Variants in XPC observed in about 807,000 individuals in gnomAD.
The protein encoded by XPC is DNA repair protein complementing XP-C cells.
In XPC, 76 loss-of-function variants were observed where a neutral mutation model predicts 95.8. That is an observed-to-expected ratio of 0.79 (90% CI 0.66 to 0.96). The LOEUF (loss-of-function observed/expected upper bound fraction) is 0.96. XPC is among the 40% of genes least tolerant of loss of function. The probability of loss-of-function intolerance (pLI) is 0.00; values close to 1 mark genes in which losing one functional copy is unlikely to be tolerated. For missense variants in XPC, 1,146 were observed against 1,179.8 expected (o/e 0.97, Z 0.42); for synonymous variants, 442 against 442.1 (o/e 1.00, Z 0.00).
intron 10 of XPC, among the ~76,000 whole-genome samples, chr3:14,155,129 C>T (rs1357998829): frequency 1.3e-5 from 2 of 152,154 alleles, no homozygotes; most frequent in African/African-American, 4.8e-5. Context: ...TGCCCCCCAC[C>T]GACATCAAAC....
chr3:14,149,413 C>A, intron 11 of XPC: 1 of 161,684 alleles, frequency 6.2e-6, no homozygotes, highest in South Asian at 1.7e-4. Context: ...CAAGCACTAG[C>A]TAACATTTAT....
At chr3:14,173,196 G>T in intron 1 of XPC, 134 bp from the exon 2 acceptor site, 1 of 831,342 alleles carries the variant, frequency 1.2e-6, no homozygotes, top group Non-Finnish European at 1.7e-6. Flanking sequence ...ACCATCCCCT[G>T]TCTGGTCAGC....
In XPC at chr3:14,158,542, G is replaced by A. The variant is rs1696028355; in HGVS notation, c.1341C>T (p.Leu447=). The change falls in exon 9 of 16, where the codon CTC becomes CTT. Residue 447 remains leucine, a synonymous_variant. Transcript: ENST00000285021. The surrounding 1 kb of genome is among the most constrained non-coding windows in gnomAD (Gnocchi z 5.2). ...DEAGSGSDFE[L]SSGEASDPSD... is the part of the protein sequence containing the mutation. ...AGGGATCAGAGGCTTCTCCACTGGAGAGCTCAAAATCAGAGCCGCTGCCAG... is the reference window on the plus strand; with the variant it reads ...AGGGATCAGAGGCTTCTCCACTGGAAAGCTCAAAATCAGAGCCGCTGCCAG... 3 of 1,613,334 alleles carry A rather than the reference G, an allele frequency of 1.9e-6. No homozygotes were observed. Among genetic ancestry groups the A allele is most frequent in the Admixed American group, 1.7e-5 (1 of 59,988 alleles).
chr3:14,170,488 T>C lies in XPC; in HGVS notation c.362A>G (p.Asp121Gly), dbSNP rs774102653. Residue 121 changes from aspartate to glycine, a missense_variant, in exon 3 of 16, where the codon GAC (aspartate) becomes GGC (glycine). Coordinates refer to ENST00000285021, the MANE Select transcript of XPC (RefSeq NM_004628.5). Reference sequence around the variant, plus strand: ...ACTTTCTTCCTCTTCTTCATTGCTGTCTTCATTCATGGTAGCCCCTCTCTT... The same window carrying C: ...ACTTTCTTCCTCTTCTTCATTGCTGCCTTCATTCATGGTAGCCCCTCTCTT... ...HLKRGATMNE[D>G]SNEEEEESEN... 1.2e-6 allele frequency: 2 copies of C among 1,613,860 alleles called. No homozygotes were observed. Among genetic ancestry groups the C allele is most frequent in the East Asian group, 4.5e-5 (2 of 44,868 alleles).
chr3:14,170,679 G>C, intron 2 of XPC, 129 bp from the exon 3 acceptor site: 1 of 658,924 alleles, frequency 1.5e-6, no homozygotes, highest in Non-Finnish European at 2.6e-6. Flanking sequence ...AAGATGATTA[G>C]TAAGCTCTGA....
In XPC at chr3:14,152,347, T is replaced by A; in HGVS notation, c.2103A>T (p.Glu701Asp). ...CAGCTCCAGTTACCTTGTAGGGTAC[T>A]TCTCCAAGCCTCACCACTCTTGCTT... is the stretch of plus-strand genomic sequence containing the variant. ...LKKARVVRLG[E>D]VPYKMVKGFS... is the part of the protein sequence containing the mutation. The change falls in exon 11 of 16, where the codon GAA (glutamate) becomes GAT (aspartate). Residue 701 changes from glutamate (E) to aspartate (D), a missense_variant. Physicochemically the swap from Glu to Asp is conservative, Grantham distance 45 (BLOSUM62 2). Coordinates refer to ENST00000285021, the MANE Select transcript of XPC (RefSeq NM_004628.5). 1 of 1,613,172 alleles carries A rather than the reference T, an allele frequency of 6.2e-7. No homozygotes were observed. Among genetic ancestry groups the A allele is most frequent in the Non-Finnish European group, 8.5e-7 (1 of 1,179,554 alleles).
chr3:14,156,235 C>T, intron 10 of XPC, 100 bp downstream of exon 10: 1 of 1,435,880 alleles, frequency 7.0e-7, no homozygotes, highest in Non-Finnish European at 9.4e-7. Flanking sequence ...GAATGCTGTC[C>T]AGTCAGATGA....
In XPC at chr3:14,173,095, T is replaced by C. The variant is rs535147079; in HGVS notation, c.104-33A>G. ...ACAACACAGAACATAAGGTGAGGGGTGGAAGGAAAGGTGGAGGCAGTGCAG... is the reference window on the plus strand; with the variant it reads ...ACAACACAGAACATAAGGTGAGGGGCGGAAGGAAAGGTGGAGGCAGTGCAG... On this transcript the variant is annotated intron_variant, in intron 1 of 15. Transcript: ENST00000285021. The C allele has an allele frequency of 1.6e-4, 239 of 1,496,492 alleles. No individual in the cohort carries two copies. The South Asian group carries it at 3.1e-3, about 19-fold the overall frequency. 92.7% of individuals were successfully genotyped at this position (1,496,492 alleles called of 1,614,324 possible).
chr3:14,145,959 G>T lies in XPC; in HGVS notation c.2805C>A (p.Phe935Leu), dbSNP rs2125004485. ...GCTCAGCTCACAGCTGCTCAAATGG[G>T]AACAGGTGGGAAGCTGCTGCTTTCT... Reference protein sequence around the residue: ...REKKAAASHLFPFEQL With the variant: ...REKKAAASHLLPFEQL Residue 935 changes from phenylalanine to leucine, a missense_variant, in exon 16 of 16, where the codon TTC becomes TTA. Coordinates refer to ENST00000285021, the MANE Select transcript of XPC (RefSeq NM_004628.5). 2 of 1,606,996 alleles carry T rather than the reference G, an allele frequency of 1.2e-6. No homozygotes were observed. The highest frequency in any genetic ancestry group is 1.1e-5 in the South Asian group (1 of 90,838).
At chr3:14,176,037 G>GGTAAAGCATAT (rs1413041426) in intron 1 of XPC, among the ~76,000 whole-genome samples, 6 of 152,160 alleles carry the variant, frequency 3.9e-5, no homozygotes, top group Non-Finnish European at 8.8e-5. Flanking sequence ...AAAGCTCTTG[G>GGTAAAGCATAT]CTTTATATGC....
chr3:14,162,002 T>C (rs1696185799), intron 7 of XPC, among the ~76,000 whole-genome samples: 1 of 152,126 alleles, frequency 6.6e-6, no homozygotes, highest in South Asian at 2.1e-4. Context: ...TTTCTATACA[T>C]TTGCAATGAA....
At chr3:14,168,713 C>G (rs868443975) in intron 3 of XPC, among the ~76,000 whole-genome samples, 27 of 151,214 alleles carry the variant, frequency 1.8e-4, no homozygotes, top group African/African-American at 6.6e-4. Context: ...ACTTAAAACT[C>G]TTTAAAAAAA....
At chr3:14,178,213 CA>C (rs1445267901) in intron 1 of XPC, 11 of 520,932 alleles carry the variant, frequency 2.1e-5, no homozygotes, top group Non-Finnish European at 3.7e-5. Flanking sequence ...ATCCTCTGGA[CA>C]ACGGGGAGCG....
At position 14,173,193 on chromosome 3, in the gene XPC, C is replaced by T; in HGVS notation, c.104-131G>A. The T allele has an allele frequency of 3.5e-6, 3 of 862,688 alleles. No homozygotes were observed. In the South Asian group the frequency reaches 8.2e-5, roughly 24 times the overall value. The allele number at this position is 862,688 out of a possible 1,614,324, so 53.4% of individuals were successfully genotyped here. A position where few individuals can be genotyped will look rare whatever the true frequency, so the allele number is the denominator to read the frequency against. ...CATCTCCATCACTGGTTCACCATCCCCTGTCTGGTCAGCAACCAGCTCTCA... is the reference window on the plus strand; with the variant it reads ...CATCTCCATCACTGGTTCACCATCCTCTGTCTGGTCAGCAACCAGCTCTCA... On this transcript the variant is annotated intron_variant, in intron 1 of 15. Transcript: ENST00000285021.
chr3:14,166,788 T>G (rs1267552829), intron 5 of XPC, among the ~76,000 whole-genome samples: 1 of 152,154 alleles, frequency 6.6e-6, no homozygotes, highest in Non-Finnish European at 1.5e-5. Flanking sequence ...CAAGTCTCTA[T>G]CCCCACCATG....
chr3:14,147,788 A>G (rs1176621742), intron 14 of XPC, 120 bp downstream of exon 14: 1 of 866,490 alleles, frequency 1.2e-6, no homozygotes, highest in African/African-American at 1.7e-5. Context: ...GCCTGCCATG[A>G]TGTCAGAGAG....
chr3:14,170,631 A>AC (rs1401177202), intron 2 of XPC, 81 bp from the exon 3 acceptor site: 7 of 1,031,720 alleles, frequency 6.8e-6, no homozygotes, highest in Non-Finnish European at 9.9e-6. Flanking sequence ...AATTTTTAAA[A>AC]CCCCTCCTAT....
At chr3:14,146,694 A>G (rs1290477104) in intron 15 of XPC, among the ~76,000 whole-genome samples, 1 of 152,224 alleles carries the variant, frequency 6.6e-6, no homozygotes, top group Admixed American at 6.5e-5. Context: ...TGACAAAAAA[A>G]TGTTGAAAGG....
In XPC at chr3:14,145,316, T is replaced by G. The variant is rs961114050; in HGVS notation, c.*625A>C. On this transcript the variant is annotated 3_prime_UTR_variant, in exon 16 of 16. Coordinates refer to ENST00000285021, the MANE Select transcript of XPC (RefSeq NM_004628.5). The stretch of plus-strand genomic sequence containing the variant: ...TCGTATTTTTCCTTTTCTTTCCTGA[T>G]TTTAGCTTTTTTTAGGCTTCTGTCA... The G allele has an allele frequency of 3.4e-5, 24 of 696,984 alleles. No individual in the cohort carries two copies. In the African/African-American group the frequency reaches 3.9e-4, roughly 11 times the overall value. The allele number at this position is 696,984 out of a possible 1,614,324, so 43.2% of individuals were successfully genotyped here.
Sources: allele counts gnomAD v4.1 joint callset (sites outside exome capture counted in the v4.1 genomes callset), GRCh38; gene constraint gnomAD v4.1.1; non-coding constraint Gnocchi (gnomAD v3.1); transcripts MANE v1.5; gene names NCBI Gene and HGNC (gene_info 2026-07-23, HGNC 2026-07-21).